Variants in SLC24A3 observed in about 807,000 individuals in gnomAD.
SLC24A3 encodes the protein solute carrier family 24 member 3.
Under a neutral mutation model 75.8 loss-of-function variants are expected in SLC24A3, and 28 were observed. The observed-to-expected ratio is 0.37, with a 90% CI of 0.27 to 0.51. SLC24A3 has a LOEUF of 0.51. SLC24A3 is among the 20% of genes least tolerant of loss of function. SLC24A3 has a pLI of 0.94. For synonymous variants in SLC24A3, 372 were observed against 334.1 expected (o/e 1.11, Z -1.24); for missense variants, 663 against 847.8 (o/e 0.78, Z 2.71).
chr20:19,674,975 G>A (rs6075555), intron 9 of SLC24A3, among the ~76,000 whole-genome samples: 69,243 of 152,064 alleles, frequency 0.46, 17,085 homozygotes, highest in South Asian at 0.63. Flanking sequence ...GCTGGAACCC[G>A]GGAGGCAGAG....
chr20:19,457,129 C>A (rs1421979560), intron 2 of SLC24A3, among the ~76,000 whole-genome samples: 1 of 152,170 alleles, frequency 6.6e-6, no homozygotes, highest in African/African-American at 2.4e-5. Flanking sequence ...TACTTACTGA[C>A]CTGTGGCCTG....
intron 2 of SLC24A3, among the ~76,000 whole-genome samples, chr20:19,480,808 AT>A (rs1988040559): frequency 6.6e-6 from 1 of 152,140 alleles, no homozygotes; most frequent in Admixed American, 6.5e-5. Context: ...GTTCATGAAT[AT>A]TTGGGTCCTG....
intron 3 of SLC24A3, among the ~76,000 whole-genome samples, chr20:19,529,408 G>T (rs1292970189): frequency 6.6e-6 from 1 of 152,146 alleles, no homozygotes; most frequent in African/African-American, 2.4e-5. Flanking sequence ...TGGAATCCTA[G>T]AAATCAACCT....
chr20:19,290,999 C>G (rs1983927655), intron 2 of SLC24A3, among the ~76,000 whole-genome samples: 1 of 152,194 alleles, frequency 6.6e-6, no homozygotes, highest in Non-Finnish European at 1.5e-5. Flanking sequence ...ATTTTAAAAT[C>G]TCTTTGTATT....
At position 19,663,078 on chromosome 20, in the gene SLC24A3, GT is replaced by G. The variant is rs551800440; in HGVS notation, c.688-2779del. 1.7e-4 allele frequency among the ~76,000 whole-genome samples: 26 copies of G among 152,094 alleles called. No homozygotes were observed. The South Asian group carries it at 5.0e-3, about 29-fold the overall frequency. On this transcript the variant is annotated intron_variant, in intron 7 of 16. Transcript: ENST00000328041. ...TGAGGAAGCCCTGCTTCTGTTTAGA[GT>G]TTTTTTAGAGACAGGGTCTTGCTGT...
chr20:19,281,601 A>G (rs1484897496), intron 2 of SLC24A3, among the ~76,000 whole-genome samples: 1 of 152,118 alleles, frequency 6.6e-6, no homozygotes, highest in African/African-American at 2.4e-5. Context: ...ATATATATGG[A>G]ACATTCTATC....
At chr20:19,355,936 G>A (rs1012149269) in intron 2 of SLC24A3, among the ~76,000 whole-genome samples, 2 of 152,170 alleles carry the variant, frequency 1.3e-5, no homozygotes, top group African/African-American at 4.8e-5. Context: ...ATTTGGGTTA[G>A]AAGTTATTTA....
chr20:19,698,971 G>C (rs1266425623), intron 15 of SLC24A3, among the ~76,000 whole-genome samples: 1 of 152,172 alleles, frequency 6.6e-6, no homozygotes, highest in East Asian at 1.9e-4. Flanking sequence ...TGCTGTAGCA[G>C]AAAAACGGCC....
chr20:19,550,768 T>C (rs912520461), intron 3 of SLC24A3, among the ~76,000 whole-genome samples: 3 of 152,014 alleles, frequency 2.0e-5, no homozygotes, highest in African/African-American at 7.3e-5. Flanking sequence ...CGTGACCCAT[T>C]AAGGAACCAT....
chr20:19,577,750 G>A (rs1030526431), intron 3 of SLC24A3, among the ~76,000 whole-genome samples: 4 of 152,134 alleles, frequency 2.6e-5, no homozygotes, highest in Non-Finnish European at 4.4e-5. Flanking sequence ...ATTTAGCAAT[G>A]TATTATGAAT....
intron 6 of SLC24A3, among the ~76,000 whole-genome samples, chr20:19,593,478 T>C (rs2031407866): frequency 6.6e-6 from 1 of 152,242 alleles, no homozygotes; most frequent in African/African-American, 2.4e-5. Flanking sequence ...AGTACTTACC[T>C]TGTGGCAGGC....
rs571610680 is a variant in SLC24A3, at chr20:19,524,629, TG to T, written c.348+9066del. 9.2e-5 allele frequency among the ~76,000 whole-genome samples: 14 copies of T among 152,322 alleles called. No individual in the cohort carries two copies. In the South Asian group the frequency reaches 2.7e-3, roughly 29 times the overall value. On this transcript the variant is annotated intron_variant, in intron 3 of 16. Coordinates refer to ENST00000328041, the MANE Select transcript of SLC24A3 (RefSeq NM_020689.4). ...GCTGTATGCTCCTCTTCATCTTACT[TG>T]TTTATTACTCAGTCCACCTGTTCCC...
intron 3 of SLC24A3, among the ~76,000 whole-genome samples, chr20:19,543,272 G>C (rs1360812073): frequency 6.6e-6 from 1 of 152,180 alleles, no homozygotes; most frequent in Non-Finnish European, 1.5e-5. Context: ...TCACGTGGGT[G>C]TTACTACCCC....
intron 2 of SLC24A3, among the ~76,000 whole-genome samples, chr20:19,407,142 G>A (rs1417128925): frequency 6.6e-6 from 1 of 152,194 alleles, no homozygotes; most frequent in African/African-American, 2.4e-5. Context: ...ATGGGATCTT[G>A]TTGGATGCAT....
intron 1 of SLC24A3, among the ~76,000 whole-genome samples, chr20:19,237,109 C>T (rs1325071988): frequency 6.6e-6 from 1 of 152,204 alleles, no homozygotes; most frequent in Non-Finnish European, 1.5e-5. Flanking sequence ...ATTTGATTAG[C>T]TCTGTTTCAT....
intron 9 of SLC24A3, among the ~76,000 whole-genome samples, chr20:19,674,002 G>A (rs1485576088): frequency 6.6e-6 from 1 of 152,194 alleles, no homozygotes; most frequent in Non-Finnish European, 1.5e-5. Flanking sequence ...TGCTATAGAG[G>A]GTGAGAGAAG....
intron 2 of SLC24A3, among the ~76,000 whole-genome samples, chr20:19,358,532 C>T (rs1008436439): frequency 1.3e-5 from 2 of 152,124 alleles, no homozygotes; most frequent in African/African-American, 2.4e-5. Context: ...TTTTAAGGCC[C>T]CTTCCAGCAC....
At chr20:19,358,493 C>T (rs1357474456) in intron 2 of SLC24A3, among the ~76,000 whole-genome samples, 1 of 152,160 alleles carries the variant, frequency 6.6e-6, no homozygotes, top group Admixed American at 6.5e-5. Flanking sequence ...CTTTCTTGAG[C>T]TTTCAAATGG....
chr20:19,222,788 C>T (rs933221682), intron 1 of SLC24A3, among the ~76,000 whole-genome samples: 1 of 125,934 alleles, frequency 7.9e-6, no homozygotes, highest in Non-Finnish European at 1.6e-5. Flanking sequence ...TCCCTCCCTT[C>T]CTTCCTTCCT....
Sources: gnomAD v4.1 joint callset for allele counts (sites outside exome capture counted in the v4.1 genomes callset) on GRCh38, gnomAD v4.1.1 for gene constraint, MANE v1.5 for transcripts, NCBI Gene and HGNC (gene_info 2026-07-23, HGNC 2026-07-21) for gene names.